Variants in HMCN1 observed in about 807,000 individuals in gnomAD.
The protein encoded by HMCN1 is hemicentin-1.
HMCN1 carries 321 observed loss-of-function variants against 625.9 expected under a neutral mutation model. That is an observed-to-expected ratio of 0.51 (90% CI 0.47 to 0.56). HMCN1 has a LOEUF of 0.56. Among genes scored for constraint, HMCN1 ranks in the 20% least tolerant of loss-of-function variants. HMCN1 has a pLI of 0.00. For missense variants in HMCN1, 6,588 were observed against 6,887.3 expected (o/e 0.96, Z 1.54); for synonymous variants, 2,425 against 2,417.6 (o/e 1.00, Z -0.09).
chr1:186,129,821 A>T (rs1661833033), intron 83 of HMCN1, 145 bp from the exon 84 acceptor site: 2 of 931,256 alleles, frequency 2.1e-6, no homozygotes, highest in Non-Finnish European at 3.4e-6. Flanking sequence ...AGATGAAGAA[A>T]TGTGGAAAAG....
intron 105 of HMCN1, among the ~76,000 whole-genome samples, chr1:186,183,277 T>C (rs181308274): frequency 7.6e-4 from 115 of 152,306 alleles, no homozygotes; most frequent in Non-Finnish European, 7.4e-5. Context: ...ATGCAGCTTA[T>C]GGAAAATGGG....
intron 97 of HMCN1, among the ~76,000 whole-genome samples, chr1:186,160,770 A>T (rs1331654304): frequency 7.2e-5 from 11 of 151,986 alleles, no homozygotes; most frequent in Non-Finnish European, 1.3e-4. Context: ...GTTTGATTGC[A>T]CTGTGGTCTG....
chr1:185,860,391 A>G (rs1340751208), intron 2 of HMCN1, among the ~76,000 whole-genome samples: 1 of 152,188 alleles, frequency 6.6e-6, no homozygotes, highest in Non-Finnish European at 1.5e-5. Flanking sequence ...AAATATAATT[A>G]AGCTGCATAG....
rs184686044 is a variant in HMCN1, at chr1:185,815,974, C to G, written c.269-30052C>G. Among the ~76,000 whole-genome samples the G allele has an allele frequency of 4.3e-3, 649 of 150,118 alleles. 88 individuals are homozygous for G. Among genetic ancestry groups the G allele is most frequent in the African/African-American group, 0.016 (618 of 39,548 alleles). ...GCTACCCACTTAGCAATATCATACCCATTCATTGTGTAATGAATAGGCCCA... is the reference window on the plus strand; with the variant it reads ...GCTACCCACTTAGCAATATCATACCGATTCATTGTGTAATGAATAGGCCCA... On this transcript the variant is annotated intron_variant, in intron 1 of 106. Transcript: ENST00000271588.
chr1:186,089,793 C>A (rs890126344), intron 63 of HMCN1, among the ~76,000 whole-genome samples: 3 of 107,350 alleles, frequency 2.8e-5, no homozygotes, highest in African/African-American at 1.1e-4. Flanking sequence ...TACTAATGTT[C>A]TTATTGACTC....
At position 186,053,014 on chromosome 1, in the gene HMCN1, A is replaced by G; in HGVS notation, c.6640A>G (p.Ile2214Val). 6.3e-7 allele frequency: 1 copy of G among 1,594,396 alleles called. No homozygotes were observed. The highest frequency in any genetic ancestry group is 8.6e-7 in the Non-Finnish European group (1 of 1,162,652). The part of the protein sequence containing the change: ...TQLTVIEGNL[I>V]SLLCESSGIP... ...ACTTACAGTCATTGAAGGGAATCTC[A>G]TTAGTCTGTTGTGTGAATCAAGTGG... Residue 2214 changes from isoleucine to valine, a missense_variant, in exon 43 of 107, where the codon ATT becomes GTT. Ile to Val is a conservative substitution (Grantham distance 29). Transcript: ENST00000271588.
intron 1 of HMCN1, among the ~76,000 whole-genome samples, chr1:185,802,304 C>T (rs1016002707): frequency 2.6e-5 from 4 of 152,058 alleles, no homozygotes; most frequent in African/African-American, 9.7e-5. Context: ...TTTGTTTTGA[C>T]ACATCAAACT....
Position 185,911,716 on chromosome 1 carries a change from A to T in HMCN1, c.836A>T (p.Asn279Ile). 1 of 1,613,632 alleles carries T rather than the reference A, an allele frequency of 6.2e-7. No individual in the cohort carries two copies. The highest frequency in any genetic ancestry group is 8.5e-7 in the Non-Finnish European group (1 of 1,179,604). Residue 279 changes from asparagine to isoleucine, a missense_variant, in exon 6 of 107, where the codon AAT becomes ATT. Around this residue, in one of 3 missense-constraint regions of HMCN1, gnomAD observed 4,628 missense variants for 4,853.1 expected, o/e 0.95. Coordinates refer to ENST00000271588, the MANE Select transcript of HMCN1 (RefSeq NM_031935.3). The stretch of plus-strand genomic sequence containing the variant: ...GGATTTGGCCTGCATGAGCTATTAA[A>T]TATCCATAACTCTGCCAAAGTAGTG... ...KKGFGLHELL[N>I]IHNSAKVVNV...
chr1:185,749,571 G>T (rs1490898618), intron 1 of HMCN1, among the ~76,000 whole-genome samples: 3 of 152,048 alleles, frequency 2.0e-5, no homozygotes, highest in African/African-American at 7.2e-5. Flanking sequence ...ACTTATTTGG[G>T]ACAAGGCCCT....
rs375323124 is a variant in HMCN1, at chr1:186,016,119, G to A, written c.5071G>A (p.Glu1691Lys). 3.1e-6 allele frequency: 5 copies of A among 1,613,370 alleles called. No individual in the cohort carries two copies. In the African/African-American group the frequency reaches 6.7e-5, roughly 22 times the overall value. The change falls in exon 32 of 107, where the codon GAA (glutamate) becomes AAA (lysine). Residue 1691 changes from glutamate (E) to lysine (K), a missense_variant. Glu to Lys is a moderately conservative substitution (Grantham distance 56). Coordinates refer to ENST00000271588, the MANE Select transcript of HMCN1 (RefSeq NM_031935.3). Reference protein sequence around the residue: ...PVKANDNIRIEAGGKKLEIMS... With the variant: ...PVKANDNIRIKAGGKKLEIMS... ...GAAAGCTAATGACAATATCCGCATA[G>A]AAGCTGGTGGGAAGAAACTCGAAAT...
At chr1:185,947,219 C>G (rs551511691) in intron 11 of HMCN1, among the ~76,000 whole-genome samples, 1 of 152,234 alleles carries the variant, frequency 6.6e-6, no homozygotes, top group African/African-American at 2.4e-5. Context: ...TTAGGGTTGT[C>G]CAATAGGACT....
At chr1:186,051,012 G>A (rs1175774985) in intron 42 of HMCN1, among the ~76,000 whole-genome samples, 1 of 152,010 alleles carries the variant, frequency 6.6e-6, no homozygotes, top group Non-Finnish European at 1.5e-5. Flanking sequence ...TCTGTGAAGA[G>A]GGTAAAAGCA....
In HMCN1 at chr1:185,933,661, G is replaced by A. The variant is rs1172919370; in HGVS notation, c.1665G>A (p.Arg555=). 1.2e-6 allele frequency: 2 copies of A among 1,614,056 alleles called. No homozygotes were observed. The highest frequency in any genetic ancestry group is 1.7e-5 in the Admixed American group (1 of 59,974). ...SAVDYNLTWQ[R]NDRDVRLAEP... ...TGGATTACAATCTAACCTGGCAGAG[G>A]AATGACAGAGATGTCAGACTGGCAG... The change falls in exon 11 of 107, where the codon AGG becomes AGA. Residue 555 remains arginine (R), a synonymous_variant. Transcript: ENST00000271588.
At chr1:186,103,188 C>G (rs1189038872) in intron 68 of HMCN1, among the ~76,000 whole-genome samples, 3 of 151,864 alleles carry the variant, frequency 2.0e-5, no homozygotes, top group Admixed American at 1.3e-4. Flanking sequence ...TCAAATCTTT[C>G]AGTCAAGTGA....
rs1320255566 is a variant in HMCN1 at position 185,889,331 on chromosome 1, A to G, written c.622-20006A>G. Among the ~76,000 whole-genome samples, 25 of 144,640 alleles carry G rather than the reference A, an allele frequency of 1.7e-4. No homozygotes were observed. The Middle Eastern group carries it at 0.011, about 62-fold the overall frequency. The allele number at this position is 144,640 out of a possible 152,430, so 94.9% of individuals were successfully genotyped here. A position where few individuals can be genotyped will look rare whatever the true frequency, so the allele number is the denominator to read the frequency against. On this transcript the variant is annotated intron_variant, in intron 4 of 106. Coordinates refer to ENST00000271588, the MANE Select transcript of HMCN1 (RefSeq NM_031935.3). ...TCTCCTGCCTAATTGCCCTGGCCAG[A>G]ACTTCCAACACTATGTTGAATAGGA...
chr1:185,815,331 TA>T (rs1468300770), intron 1 of HMCN1, among the ~76,000 whole-genome samples: 4 of 150,232 alleles, frequency 2.7e-5, no homozygotes, highest in Non-Finnish European at 4.4e-5. Flanking sequence ...GTTTTTTATA[TA>T]AAAAGTTCTA....
At chr1:185,924,215 CTTTT>C (rs58164381) in intron 8 of HMCN1, among the ~76,000 whole-genome samples, 556 of 43,248 alleles carry the variant, frequency 0.013, no homozygotes, top group African/African-American at 0.046. Context: ...CTGACCCAAT[CTTTT>C]TTTTTTTTTT....
At chr1:185,751,306 AACT>A (rs1169465503) in intron 1 of HMCN1, among the ~76,000 whole-genome samples, 16 of 152,246 alleles carry the variant, frequency 1.1e-4, no homozygotes, top group African/African-American at 3.6e-4. Context: ...TTCTATATCT[AACT>A]TAGCCCATTG....
intron 1 of HMCN1, among the ~76,000 whole-genome samples, chr1:185,774,298 G>T (rs1379459535): frequency 6.6e-6 from 1 of 152,142 alleles, no homozygotes; most frequent in Non-Finnish European, 1.5e-5. Flanking sequence ...TAGATGTGAA[G>T]GGCTGCATTT....
Sources: allele counts gnomAD v4.1 joint callset (sites outside exome capture counted in the v4.1 genomes callset), GRCh38; gene constraint gnomAD v4.1.1; regional missense constraint gnomAD v4.1.1; transcripts MANE v1.5; gene names NCBI Gene and HGNC (gene_info 2026-07-23, HGNC 2026-07-21).